MTUS2: variants seen among roughly 807,000 people sequenced by gnomAD.
The protein encoded by MTUS2 is microtubule associated scaffold protein 2.
In MTUS2, 40 loss-of-function variants were observed where a neutral mutation model predicts 114.1. The ratio of observed to expected loss-of-function variants is 0.35; its 90% CI spans 0.27 to 0.46. MTUS2 has a LOEUF of 0.46. Ranked by LOEUF, MTUS2 falls within the 20% of genes least tolerant of loss-of-function variation. MTUS2 has a pLI of 1.00. For synonymous variants in MTUS2, 688 were observed against 672.0 expected (o/e 1.02, Z -0.37); for missense variants, 1,679 against 1,705.4 (o/e 0.98, Z 0.27).
chr13:29,379,994 G>A (rs536557763), intron 8 of MTUS2, among the ~76,000 whole-genome samples: 34 of 152,334 alleles, frequency 2.2e-4, no homozygotes, highest in African/African-American at 7.5e-4. Flanking sequence ...CTGGTAATGT[G>A]TTCTGGCCTC....
At chr13:29,163,439 A>G (rs1893184317) in intron 5 of MTUS2, among the ~76,000 whole-genome samples, 1 of 152,176 alleles carries the variant, frequency 6.6e-6, no homozygotes, top group African/African-American at 2.4e-5. Context: ...GGTTCAAAAT[A>G]TGGGAGGATA....
chr13:29,394,787 G>T (rs142773678), intron 8 of MTUS2, among the ~76,000 whole-genome samples: 321 of 152,346 alleles, frequency 2.1e-3, no homozygotes, highest in African/African-American at 7.1e-3. Flanking sequence ...TGTCGGATCA[G>T]CAGCAGCATT....
At chr13:29,121,830 A>ATT (rs893171165) in intron 5 of MTUS2, among the ~76,000 whole-genome samples, 2 of 149,984 alleles carry the variant, frequency 1.3e-5, no homozygotes, top group Admixed American at 6.7e-5. Context: ...CTAATTTTGT[A>ATT]TTTTTTTTTA....
At chr13:29,056,774 A>G (rs113843171) in intron 4 of MTUS2, among the ~76,000 whole-genome samples, 262 of 152,014 alleles carry the variant, frequency 1.7e-3, no homozygotes, top group African/African-American at 6.2e-3. Context: ...GGATTCATTA[A>G]TATTTTGTAT....
In MTUS2 at chr13:29,487,989, C is replaced by G; in HGVS notation, c.3489C>G (p.His1163Gln). ...TVAITILQDDHDHKVQELMST... is the reference protein window; with the variant it reads ...TVAITILQDDQDHKVQELMST... ...CCATCACAATCCTGCAGGATGACCACGACCACAAAGTCCAAGGTAGCTCCC... is the reference window on the plus strand; with the variant it reads ...CCATCACAATCCTGCAGGATGACCAGGACCACAAAGTCCAAGGTAGCTCCC... Residue 1163 changes from histidine to glutamine, a missense_variant, in exon 11 of 16, where the codon CAC becomes CAG. By Grantham distance (24) the His-to-Gln change is conservative. Transcript: ENST00000612955. 6.2e-7 allele frequency: 1 copy of G among 1,613,842 alleles called. No homozygotes were observed. The highest frequency in any genetic ancestry group is 2.2e-5 in the East Asian group (1 of 44,888).
Position 29,487,930 on chromosome 13 carries a change from G to A in MTUS2, c.3430G>A (p.Ala1144Thr). ...AGATCTCACCGCCAGCCATGATGCTGCTCTCCTAGAGATGGAAAATAACCA... is the reference window on the plus strand; with the variant it reads ...AGATCTCACCGCCAGCCATGATGCTACTCTCCTAGAGATGGAAAATAACCA... ...VEDLTASHDA[A>T]LLEMENNHTV... The change falls in exon 11 of 16, where the codon GCT (alanine) becomes ACT (threonine). Residue 1144 changes from alanine (A) to threonine (T), a missense_variant. This residue lies in a region of MTUS2 where 822 missense variants were observed against 899.7 expected (regional missense o/e 0.91). Coordinates refer to ENST00000612955, the MANE Select transcript of MTUS2 (RefSeq NM_001033602.4). 1 of 1,614,070 alleles carries A rather than the reference G, an allele frequency of 6.2e-7. No homozygotes were observed. The highest frequency in any genetic ancestry group is 1.1e-5 in the South Asian group (1 of 91,076).
chr13:29,480,154 C>T lies in MTUS2; in HGVS notation c.3189C>T (p.Phe1063=), dbSNP rs1335335608. Residue 1063 remains phenylalanine (F), a synonymous_variant, in exon 10 of 16, where the codon TTC becomes TTT. Coordinates refer to ENST00000612955, the MANE Select transcript of MTUS2 (RefSeq NM_001033602.4). The surrounding 1 kb of genome is among the most constrained non-coding windows in gnomAD (Gnocchi z 4.4). ...ELANIRDEVA[F]HTAKCEKLQK... is the part of the protein sequence containing the mutation. ...GATCTTGTGCTTTGCGCCCAGCCTT[C>T]CATACAGCAAAGTGCGAGAAACTAC... The T allele has an allele frequency of 1.3e-6, 2 of 1,553,000 alleles. No individual in the cohort carries two copies. The highest frequency in any genetic ancestry group is 3.9e-5 in the Admixed American group (2 of 51,182).
intron 2 of MTUS2, among the ~76,000 whole-genome samples, chr13:28,952,812 A>G (rs1814845811): frequency 6.6e-6 from 1 of 152,204 alleles, no homozygotes; most frequent in Admixed American, 6.5e-5. Flanking sequence ...GTTCCATGGT[A>G]TGGACCTCTT....
upstream of MTUS2, among the ~76,000 whole-genome samples, chr13:28,819,998 C>T (rs1490470338): frequency 1.4e-5 from 2 of 147,148 alleles, no homozygotes; most frequent in East Asian, 3.9e-4. Flanking sequence ...GGGGTGCGCG[C>T]ATCAGCTGCC....
At chr13:29,502,972 T>C in intron 15 of MTUS2, 21 bp from the exon 16 acceptor site, 7 of 1,611,480 alleles carry the variant, frequency 4.3e-6, no homozygotes, top group Middle Eastern at 1.6e-4. Flanking sequence ...TTGCTACTTA[T>C]TTGTCATTGT....
At chr13:29,410,409 G>A (rs1435440709) in intron 8 of MTUS2, among the ~76,000 whole-genome samples, 1 of 152,204 alleles carries the variant, frequency 6.6e-6, no homozygotes, top group East Asian at 1.9e-4. Context: ...TTACAGGCGT[G>A]AGCCACCGCG....
intron 5 of MTUS2, among the ~76,000 whole-genome samples, chr13:29,214,205 G>A (rs1221413429): frequency 7.0e-6 from 1 of 143,200 alleles, no homozygotes; most frequent in Non-Finnish European, 1.5e-5. Flanking sequence ...CTTTCCATTT[G>A]CTTGGTAAGT....
At chr13:29,464,197 C>T (rs1835706102) in intron 9 of MTUS2, among the ~76,000 whole-genome samples, 1 of 152,138 alleles carries the variant, frequency 6.6e-6, no homozygotes, top group East Asian at 1.9e-4. Context: ...CGGCTGTGAG[C>T]AGGTGCCTGA....
chr13:28,942,219 A>G (rs796340209), intron 2 of MTUS2, among the ~76,000 whole-genome samples: 3 of 152,222 alleles, frequency 2.0e-5, no homozygotes, highest in Admixed American at 6.5e-5. Context: ...CAAATGGCCA[A>G]TAAATAAAGA....
intron 8 of MTUS2, among the ~76,000 whole-genome samples, chr13:29,430,057 CAAAA>C (rs1279146772): frequency 1.3e-5 from 2 of 152,126 alleles, no homozygotes; most frequent in Non-Finnish European, 2.9e-5. Flanking sequence ...GTGCTTTTAA[CAAAA>C]AGAAATATAA....
intron 2 of MTUS2, among the ~76,000 whole-genome samples, chr13:28,912,221 T>C (rs1450365232): frequency 1.3e-5 from 2 of 152,142 alleles, no homozygotes; most frequent in Admixed American, 1.3e-4. Flanking sequence ...TTCAAATTTT[T>C]TGCATATGGC....
intron 5 of MTUS2, among the ~76,000 whole-genome samples, chr13:29,177,742 C>A (rs752099583): frequency 1.6e-4 from 25 of 152,150 alleles, no homozygotes; most frequent in Non-Finnish European, 3.4e-4. Context: ...TAGGTCTTCT[C>A]CAGTCAAGGA....
intron 4 of MTUS2, among the ~76,000 whole-genome samples, chr13:29,034,412 G>A (rs1886969095): frequency 6.6e-6 from 1 of 152,140 alleles, no homozygotes; most frequent in East Asian, 1.9e-4. Context: ...GTTGTTTTCT[G>A]TCAAGGGCCA....
intron 2 of MTUS2, among the ~76,000 whole-genome samples, chr13:28,983,790 C>T (rs1425577841): frequency 1.3e-5 from 2 of 152,228 alleles, no homozygotes; most frequent in African/African-American, 2.4e-5. Flanking sequence ...CTCTAGAGCA[C>T]TCTGTCTCAA....
Sources: allele counts gnomAD v4.1 joint callset (sites outside exome capture counted in the v4.1 genomes callset), GRCh38; gene constraint gnomAD v4.1.1; regional missense constraint gnomAD v4.1.1; non-coding constraint Gnocchi (gnomAD v3.1); transcripts MANE v1.5; gene names NCBI Gene and HGNC (gene_info 2026-07-23, HGNC 2026-07-21).